Variants in PDE6G observed in about 807,000 individuals in gnomAD.
PDE6G encodes rod cGMP 3',5'-cyclic phosphodiesterase subunit gamma.
Under a neutral mutation model 10.9 loss-of-function variants are expected in PDE6G, and 10 were observed. That is an observed-to-expected ratio of 0.91 (90% CI 0.56 to 1.55). The LOEUF (loss-of-function observed/expected upper bound fraction) is 1.55. Ranked by LOEUF, PDE6G falls within the 40% of genes most tolerant of loss-of-function variation. PDE6G has a pLI of 0.00. For missense variants in PDE6G, 102 were observed against 110.1 expected (o/e 0.93, Z 0.33); for synonymous variants, 41 against 42.8 (o/e 0.96, Z 0.16).
chr17:81,654,624 C>T (rs552626558), intron 1 of PDE6G, among the ~76,000 whole-genome samples: 63 of 152,156 alleles, frequency 4.1e-4, no homozygotes, highest in Middle Eastern at 3.4e-3. Flanking sequence ...CCTTGTGATC[C>T]ACCCGCCTCG....
At position 81,653,107 on chromosome 17, in the gene PDE6G, G is replaced by A. The variant is rs76620562; in HGVS notation, c.146+53C>T. On this transcript the variant is annotated intron_variant, in intron 2 of 3. Coordinates refer to ENST00000331056, the MANE Select transcript of PDE6G (RefSeq NM_002602.4). The surrounding 1 kb of genome is among the most constrained non-coding windows in gnomAD (Gnocchi z 5.2). Reference sequence around the variant, plus strand: ...TGCCCCGCCCTCCCCTTCCTGTGCAGCCTCAGGACCGCCTCCTCCCTTTCA... The same window carrying A: ...TGCCCCGCCCTCCCCTTCCTGTGCAACCTCAGGACCGCCTCCTCCCTTTCA... The A allele has an allele frequency of 1.0e-3, 1,639 of 1,597,568 alleles. 25 individuals carry two copies. The East Asian group carries it at 0.031, about 30-fold the overall frequency.
upstream of PDE6G, among the ~76,000 whole-genome samples, chr17:81,659,206 G>A (rs1375107242): frequency 2.1e-5 from 3 of 142,248 alleles, no homozygotes; most frequent in African/African-American, 8.0e-5. Flanking sequence ...CACCTAGGCT[G>A]GAATGCAGAA....
In PDE6G at chr17:81,653,560, T is replaced by G; in HGVS notation, c.-59-196A>C. ...GTCCACCCGCACGCTCCCATTCCCC[T>G]TGCCTAGTGGATGCCCCCCTGCAAC... On this transcript the variant is annotated intron_variant, in intron 1 of 3. Coordinates refer to ENST00000331056, the MANE Select transcript of PDE6G (RefSeq NM_002602.4). The surrounding 1 kb of genome is among the most constrained non-coding windows in gnomAD (Gnocchi z 5.2). 1.9e-6 allele frequency: 1 copy of G among 538,292 alleles called. No homozygotes were observed. The highest frequency in any genetic ancestry group is 3.4e-6 in the Non-Finnish European group (1 of 296,738). The allele number at this position is 538,292 out of a possible 1,614,324, so 33.3% of individuals were successfully genotyped here.
upstream of PDE6G, among the ~76,000 whole-genome samples, chr17:81,659,267 T>C (rs1293421287): frequency 6.6e-6 from 1 of 151,618 alleles, no homozygotes; most frequent in Non-Finnish European, 1.5e-5. Context: ...GCTATTATTG[T>C]ACCATTGCAC....
chr17:81,653,715 G>A lies in PDE6G; in HGVS notation c.-59-351C>T, dbSNP rs1014791061. On this transcript the variant is annotated intron_variant, in intron 1 of 3. Coordinates refer to ENST00000331056, the MANE Select transcript of PDE6G (RefSeq NM_002602.4). This position sits in a 1 kb window ranked among gnomAD's most constrained non-coding sequence, Gnocchi z 5.2. ...TGGAGTCCTCACCACCTCCCTGTGG[G>A]TGACCACTGACAACTTCCTGCCCCT... The A allele has an allele frequency of 4.3e-6, 1 of 231,824 alleles. No individual in the cohort carries two copies. The highest frequency in any genetic ancestry group is 2.2e-5 in the African/African-American group (1 of 44,902). The allele number at this position is 231,824 out of a possible 1,614,324, so 14.4% of individuals were successfully genotyped here.
chr17:81,656,944 G>A, upstream of PDE6G: 1 of 342,486 alleles, frequency 2.9e-6, no homozygotes, highest in Middle Eastern at 9.5e-4. Flanking sequence ...CCACCCCAGG[G>A]CCTTTGCACC....
chr17:81,651,728 T>C lies in PDE6G; in HGVS notation c.147-43A>G. ...TCAGGGACATGGCCGGGCCCAGTCC[T>C]GGCTCAGTCAGCCTGAGGCCCGAGG... On this transcript the variant is annotated intron_variant, in intron 2 of 3. Coordinates refer to ENST00000331056, the MANE Select transcript of PDE6G (RefSeq NM_002602.4). The surrounding 1 kb of genome is among the most constrained non-coding windows in gnomAD (Gnocchi z 4.8). 1 of 1,607,410 alleles carries C rather than the reference T, an allele frequency of 6.2e-7. No homozygotes were observed.
rs371587802 is a variant in PDE6G, at chr17:81,651,418, C to T, written c.187+227G>A. Reference sequence around the variant, plus strand: ...CGAGGGGTTCTGTTCTTTCCCAAACCCCTCCCCTCACCTGGTGCAAGTGTC... The same window carrying T: ...CGAGGGGTTCTGTTCTTTCCCAAACTCCTCCCCTCACCTGGTGCAAGTGTC... On this transcript the variant is annotated intron_variant, in intron 3 of 3. Transcript: ENST00000331056. This position sits in a 1 kb window ranked among gnomAD's most constrained non-coding sequence, Gnocchi z 4.8. 4.1e-4 allele frequency among the ~76,000 whole-genome samples: 62 copies of T among 152,132 alleles called. No individual in the cohort carries two copies. The highest frequency in any genetic ancestry group is 1.2e-3 in the African/African-American group (49 of 41,498).
upstream of PDE6G, among the ~76,000 whole-genome samples, chr17:81,658,916 A>G (rs1169827191): frequency 1.3e-5 from 2 of 152,172 alleles, no homozygotes; most frequent in Admixed American, 1.3e-4. Flanking sequence ...CATGTATCAC[A>G]GACAATATAC....
At chr17:81,656,392 G>T (rs2036446862) in intron 1 of PDE6G, 101 bp downstream of exon 1, 1 of 685,536 alleles carries the variant, frequency 1.5e-6, no homozygotes, top group Admixed American at 2.0e-5. Context: ...GGTGGTAAAA[G>T]CCTGTCAGCT....
At position 81,650,889 on chromosome 17, in the gene PDE6G, A is replaced by C. The variant is rs765096039; in HGVS notation, c.*185T>G. 6 of 663,880 alleles carry C rather than the reference A, an allele frequency of 9.0e-6. No individual in the cohort carries two copies. The highest frequency in any genetic ancestry group is 1.4e-5 in the Non-Finnish European group (5 of 359,736). 41.1% of individuals were successfully genotyped at this position (663,880 alleles called of 1,614,324 possible). ...TGGCCAGCCCCTGAGGGGGCATCCT[A>C]GAGGGAGGTGGTGGGCTCCTGGTGA... is the stretch of plus-strand genomic sequence containing the variant. On this transcript the variant is annotated 3_prime_UTR_variant, in exon 4 of 4. Coordinates refer to ENST00000331056, the MANE Select transcript of PDE6G (RefSeq NM_002602.4).
At chr17:81,662,038 A>G (rs928358826) in intron 1 of PDE6G, among the ~76,000 whole-genome samples, 1 of 152,060 alleles carries the variant, frequency 6.6e-6, no homozygotes, top group Non-Finnish European at 1.5e-5. Flanking sequence ...CTCAAAAAAA[A>G]GAAAATCTTT....
chr17:81,651,047 G>C lies in PDE6G; in HGVS notation c.*27C>G. 1 of 1,544,686 alleles carries C rather than the reference G, an allele frequency of 6.5e-7. No homozygotes were observed. Among genetic ancestry groups the C allele is most frequent in the African/African-American group, 1.4e-5 (1 of 73,590 alleles). ...TAGAGCACAGTGGGCAGGAGGGGGA[G>C]GGTCTGGACTTCAGCAGGGCCTCGT... On this transcript the variant is annotated 3_prime_UTR_variant, in exon 4 of 4. Transcript: ENST00000331056. This position sits in a 1 kb window ranked among gnomAD's most constrained non-coding sequence, Gnocchi z 4.8.
Position 81,662,501 on chromosome 17 carries a change from T to C in PDE6G, c.-60+558A>G, listed in dbSNP as rs147170460. On this transcript the variant is annotated intron_variant, in intron 1 of 3. Transcript: ENST00000571224. Reference sequence around the variant, plus strand: ...AGCCAGACGCTGTGGGGCACGCCTGTAGTCCCAGCTACTTGGGAGACTGAG... The same window carrying C: ...AGCCAGACGCTGTGGGGCACGCCTGCAGTCCCAGCTACTTGGGAGACTGAG... 3.8e-3 allele frequency among the ~76,000 whole-genome samples: 585 copies of C among 152,250 alleles called. 6 individuals carry two copies. The highest frequency in any genetic ancestry group is 6.9e-3 in the Non-Finnish European group (472 of 68,014).
intron 1 of PDE6G, among the ~76,000 whole-genome samples, chr17:81,654,331 C>CCCTGA (rs1261584981): frequency 6.6e-6 from 1 of 150,412 alleles, no homozygotes; most frequent in Non-Finnish European, 1.5e-5. Flanking sequence ...GTCGAGTTAG[C>CCCTGA]CCTGATTCCA....
At chr17:81,661,096 T>A (rs1472790242), upstream of PDE6G, among the ~76,000 whole-genome samples, 5 of 152,180 alleles carry the variant, frequency 3.3e-5, no homozygotes, top group East Asian at 9.6e-4. Flanking sequence ...TTTTTAAAAA[T>A]TGTTTTGTAG....
At chr17:81,662,032 A>T (rs1457037847) in intron 1 of PDE6G, among the ~76,000 whole-genome samples, 1 of 152,146 alleles carries the variant, frequency 6.6e-6, no homozygotes, top group East Asian at 1.9e-4. Context: ...CTCTGTCTCA[A>T]AAAAAAGAAA....
upstream of PDE6G, among the ~76,000 whole-genome samples, chr17:81,659,459 C>T (rs1268209978): frequency 5.9e-5 from 9 of 151,652 alleles, no homozygotes; most frequent in South Asian, 2.1e-4. Context: ...ATTAGTGGGG[C>T]GTGGTGGCGG....
At chr17:81,654,042 T>C (rs961453560) in intron 1 of PDE6G, among the ~76,000 whole-genome samples, 5 of 152,146 alleles carry the variant, frequency 3.3e-5, no homozygotes, top group African/African-American at 1.2e-4. Context: ...TGTCTCGAAC[T>C]CCTGACCTCA....
Sources: gnomAD v4.1 joint callset for allele counts (sites outside exome capture counted in the v4.1 genomes callset) on GRCh38, gnomAD v4.1.1 for gene constraint, Gnocchi (gnomAD v3.1) non-coding constraint, MANE v1.5 for transcripts, NCBI Gene and HGNC (gene_info 2026-07-23, HGNC 2026-07-21) for gene names.